ATAD2B: variants seen among roughly 807,000 people sequenced by gnomAD.
ATAD2B encodes the protein ATPase family AAA domain containing 2B, also known as ATPase family AAA domain-containing protein 2B.
A neutral mutation model predicts 167.6 loss-of-function variants in ATAD2B; 40 were observed. That is an observed-to-expected ratio of 0.24 (90% CI 0.19 to 0.31). The LOEUF (loss-of-function observed/expected upper bound fraction) is 0.31, where lower values mean the gene tolerates loss of function less well. ATAD2B is among the 10% of genes least tolerant of loss of function. The probability of loss-of-function intolerance (pLI) is 1.00; values close to 1 mark genes in which losing one functional copy is unlikely to be tolerated. For missense variants in ATAD2B, 1,242 were observed against 1,757.2 expected (o/e 0.71, Z 5.24); for synonymous variants, 579 against 596.5 (o/e 0.97, Z 0.43).
At chr2:23,796,168 G>T (rs1682589480) in intron 19 of ATAD2B, among the ~76,000 whole-genome samples, 1 of 152,088 alleles carries the variant, frequency 6.6e-6, no homozygotes, top group Non-Finnish European at 1.5e-5. Flanking sequence ...AATCAAAAGA[G>T]AATTCCCATA....
chr2:23,703,612 G>C, the ATAD2B span: 2 of 1,340,314 alleles, frequency 1.5e-6, no homozygotes, highest in African/African-American at 1.5e-5. Context: ...TCAGTCACTT[G>C]TTGGAAGTCT....
At chr2:23,896,083 G>C (rs185034918) in intron 1 of ATAD2B, 113 bp from the exon 2 acceptor site, 2 of 748,426 alleles carry the variant, frequency 2.7e-6, no homozygotes, top group Non-Finnish European at 4.0e-6. Context: ...TTGGGTGGCC[G>C]AGGTGGGCGA....
At chr2:23,741,575 CG>C in the ATAD2B span, among the ~76,000 whole-genome samples, 1 of 152,010 alleles carries the variant, frequency 6.6e-6, no homozygotes, top group Non-Finnish European at 1.5e-5. Flanking sequence ...AAGACTTAAA[CG>C]TTAGCCCTAA....
At chr2:23,793,487 T>C (rs1001639446) in intron 19 of ATAD2B, among the ~76,000 whole-genome samples, 1 of 152,174 alleles carries the variant, frequency 6.6e-6, no homozygotes, top group Non-Finnish European at 1.5e-5. Context: ...TACCTTGCAA[T>C]TCCCATATAT....
chr2:23,806,320 T>A (rs908181557), intron 18 of ATAD2B: 5 of 152,192 alleles, frequency 3.3e-5, no homozygotes, highest in Admixed American at 6.5e-5. Flanking sequence ...ATTTGGTAAA[T>A]AATCCATTTC....
chr2:23,702,792 C>T, the ATAD2B span, among the ~76,000 whole-genome samples: 1 of 152,212 alleles, frequency 6.6e-6, no homozygotes, highest in African/African-American at 2.4e-5. Context: ...AATGGTGCTT[C>T]ATCCAGCACG....
chr2:23,839,266 T>C lies in ATAD2B; in HGVS notation c.1569-5188A>G, dbSNP rs571233449. On this transcript the variant is annotated intron_variant, in intron 13 of 27. Coordinates refer to ENST00000238789, the MANE Select transcript of ATAD2B (RefSeq NM_017552.4). ...TCTTGCCAGACTACACTGACTGCGA[T>C]CTATAGAACAGTATTGGTCAGAAGT... is the stretch of plus-strand genomic sequence containing the variant. Among the ~76,000 whole-genome samples the C allele has an allele frequency of 7.9e-5, 12 of 152,254 alleles. No homozygotes were observed. In the East Asian group the frequency reaches 1.7e-3, roughly 22 times the overall value.
At chr2:23,864,153 T>C (rs762931007) in intron 11 of ATAD2B, among the ~76,000 whole-genome samples, 1 of 151,880 alleles carries the variant, frequency 6.6e-6, no homozygotes, top group African/African-American at 2.4e-5. Context: ...TACAGAGGCA[T>C]GACACCACCC....
the ATAD2B span, among the ~76,000 whole-genome samples, chr2:23,678,483 A>C: frequency 3.3e-5 from 5 of 152,088 alleles, no homozygotes. Context: ...ATGAGAGACC[A>C]CGTGGAGCAG....
At chr2:23,707,522 A>C in the ATAD2B span, 2 of 152,098 alleles carry the variant, frequency 1.3e-5, no homozygotes, top group Non-Finnish European at 2.9e-5. Context: ...AGAATAGAGG[A>C]TCTCTCCTGG....
At chr2:23,831,118 T>C (rs1039386685) in intron 14 of ATAD2B, among the ~76,000 whole-genome samples, 5 of 152,182 alleles carry the variant, frequency 3.3e-5, no homozygotes, top group Non-Finnish European at 7.3e-5. Context: ...TTACTCTATA[T>C]GGCAAACCGA....
chr2:23,833,567 C>A (rs1011593114), intron 14 of ATAD2B, among the ~76,000 whole-genome samples: 1 of 152,134 alleles, frequency 6.6e-6, no homozygotes, highest in Non-Finnish European at 1.5e-5. Context: ...CATAAACCCA[C>A]TAATACTCTA....
chr2:23,917,796 C>T lies in ATAD2B; in HGVS notation c.216+8759G>A, dbSNP rs1451388091. On this transcript the variant is annotated intron_variant, in intron 1 of 27. Transcript: ENST00000238789. ...AAATATAGCCAGGCGCGGTGGCTCA[C>T]GCCTATAATCCCAGCACTTTGGGAG... 3.9e-5 allele frequency among the ~76,000 whole-genome samples: 6 copies of T among 151,900 alleles called. No individual in the cohort carries two copies. The East Asian group carries it at 9.7e-4, about 25-fold the overall frequency.
At chr2:23,909,054 C>T (rs562470055) in intron 1 of ATAD2B, among the ~76,000 whole-genome samples, 1 of 150,298 alleles carries the variant, frequency 6.7e-6, no homozygotes, top group East Asian at 2.0e-4. Context: ...GTGGGTGCAG[C>T]GCACCAGCAT....
At chr2:23,810,179 C>T (rs1278510587) in intron 18 of ATAD2B, 137 bp downstream of exon 18, 16 of 726,494 alleles carry the variant, frequency 2.2e-5, no homozygotes, top group South Asian at 2.6e-5. Context: ...TACTAGAATG[C>T]TAATGAATAA....
chr2:23,711,989 G>C, the ATAD2B span, among the ~76,000 whole-genome samples: 1 of 152,144 alleles, frequency 6.6e-6, no homozygotes, highest in Non-Finnish European at 1.5e-5. Context: ...TCAGAAAAGT[G>C]GCTTGCCCGG....
At chr2:23,896,115 A>C (rs1402478611) in intron 1 of ATAD2B, 145 bp from the exon 2 acceptor site, 1 of 452,600 alleles carries the variant, frequency 2.2e-6, no homozygotes, top group Non-Finnish European at 3.8e-6. Context: ...CAGGAGTTCA[A>C]GACCAGACTG....
Position 23,873,074 on chromosome 2 carries a change from T to C in ATAD2B, c.977+2755A>G, listed in dbSNP as rs113952653. ...GATACTTCCCAACTCTTCAGGAAGA[T>C]AGTTGCAAAAATTATCTACTTATTC... is the stretch of plus-strand genomic sequence containing the variant. On this transcript the variant is annotated intron_variant, in intron 8 of 27. Coordinates refer to ENST00000238789, the MANE Select transcript of ATAD2B (RefSeq NM_017552.4). The C allele has an allele frequency of 8.6e-3, 4,449 of 516,158 alleles. 172 individuals are homozygous for C. The highest frequency in any genetic ancestry group is 0.077 in the African/African-American group (4,036 of 52,224). 32.0% of individuals were successfully genotyped at this position (516,158 alleles called of 1,614,324 possible).
At chr2:23,734,007 T>C in the ATAD2B span, among the ~76,000 whole-genome samples, 3 of 152,230 alleles carry the variant, frequency 2.0e-5, no homozygotes, top group African/African-American at 7.2e-5. Context: ...TCCCTGATTT[T>C]TATTGCATTC....
Sources: allele counts gnomAD v4.1 joint callset (sites outside exome capture counted in the v4.1 genomes callset), GRCh38; gene constraint gnomAD v4.1.1; transcripts MANE v1.5; gene names NCBI Gene and HGNC (gene_info 2026-07-23, HGNC 2026-07-21).